TG: variants seen among roughly 807,000 people sequenced by gnomAD.
TG encodes the protein thyroid hormones.
TG carries 270 observed loss-of-function variants against 324.7 expected under a neutral mutation model. That is an observed-to-expected ratio of 0.83 (90% CI 0.75 to 0.92). The LOEUF (loss-of-function observed/expected upper bound fraction) is 0.92, where lower values mean the gene tolerates loss of function less well. TG is among the 40% of genes least tolerant of loss of function. The probability of loss-of-function intolerance (pLI) is 0.00; values close to 1 mark genes in which losing one functional copy is unlikely to be tolerated. For missense variants in TG, 3,591 were observed against 3,456.4 expected, an observed-to-expected ratio of 1.04 and a Z score of -0.98; for synonymous variants, 1,401 against 1,327.0, an observed-to-expected ratio of 1.06 and a Z score of -1.21.
chr8:132,974,593 C>T (rs914242190), intron 34 of TG, among the ~76,000 whole-genome samples: 4 of 152,228 alleles, frequency 2.6e-5, no homozygotes, highest in Non-Finnish European at 4.4e-5. Context: ...ATGTTGCCTC[C>T]TGGCAGGTCT....
intron 32 of TG, among the ~76,000 whole-genome samples, chr8:132,970,531 C>T (rs1161018267): frequency 6.6e-6 from 1 of 152,176 alleles, no homozygotes; most frequent in Non-Finnish European, 1.5e-5. Context: ...ATTCATGAAC[C>T]ATTGATCTAT....
At chr8:132,894,011 T>C in intron 11 of TG, 82 bp downstream of exon 11, 1 of 1,605,140 alleles carries the variant, frequency 6.2e-7, no homozygotes, top group Non-Finnish European at 8.5e-7. Flanking sequence ...CAGTCATCCT[T>C]AGGACTTTGT....
chr8:133,062,177 G>A (rs1842457750), intron 41 of TG, among the ~76,000 whole-genome samples: 2 of 152,168 alleles, frequency 1.3e-5, no homozygotes, highest in South Asian at 4.1e-4. Context: ...GCAAATTTGA[G>A]GCTCGGGCCC....
intron 21 of TG, among the ~76,000 whole-genome samples, chr8:132,922,943 G>C (rs1821315818): frequency 6.6e-6 from 1 of 152,180 alleles, no homozygotes. Context: ...ATAGTAGGAA[G>C]GCTTTCCTGA....
intron 40 of TG, among the ~76,000 whole-genome samples, chr8:133,024,581 C>T (rs998238406): frequency 6.6e-6 from 1 of 151,284 alleles, no homozygotes; most frequent in Non-Finnish European, 1.5e-5. Flanking sequence ...CCCAACAGGC[C>T]GTGGTGTGTG....
intron 32 of TG, among the ~76,000 whole-genome samples, chr8:132,970,628 G>T (rs527470833): frequency 8.5e-5 from 13 of 152,304 alleles, no homozygotes; most frequent in African/African-American, 3.1e-4. Context: ...AGGCAGGCTA[G>T]TCTGTCTTGA....
chr8:132,872,937 C>A, intron 4 of TG, 125 bp from the exon 5 acceptor site: 1 of 1,066,360 alleles, frequency 9.4e-7, no homozygotes, highest in Non-Finnish European at 1.4e-6. Context: ...GACAATGAAA[C>A]CGCCGAACGA....
rs189471086 is a variant in TG, at chr8:132,931,585, T to C, written c.4817-1976T>C. 3.6e-3 allele frequency among the ~76,000 whole-genome samples: 542 copies of C among 152,182 alleles called. 6 individuals carry two copies. The highest frequency in any genetic ancestry group is 0.012 in the African/African-American group (508 of 41,518). On this transcript the variant is annotated intron_variant, in intron 23 of 47. Transcript: ENST00000220616. ...TTGGGGGTGTGAGGGGAAGCTATGG[T>C]TGGGGTCATGGTAGGAACCCTGGTT...
intron 41 of TG, among the ~76,000 whole-genome samples, chr8:133,041,244 G>T (rs1239331980): frequency 3.3e-5 from 5 of 152,220 alleles, no homozygotes; most frequent in African/African-American, 9.6e-5. Flanking sequence ...TCGACAGCAC[G>T]TCACACCTCT....
intron 41 of TG, among the ~76,000 whole-genome samples, chr8:133,032,403 A>G (rs1166001530): frequency 6.6e-6 from 1 of 152,220 alleles, no homozygotes; most frequent in African/African-American, 2.4e-5. Flanking sequence ...GACACTCATT[A>G]GGACCCAGAA....
chr8:132,949,213 G>T (rs73710717), intron 27 of TG, among the ~76,000 whole-genome samples: 2,012 of 152,322 alleles, frequency 0.013, 52 homozygotes, highest in African/African-American at 0.046. Flanking sequence ...GAATCTTGGG[G>T]TTAGCTGGCA....
intron 41 of TG, chr8:133,050,246 G>A: frequency 2.0e-6 from 1 of 511,570 alleles, no homozygotes. Flanking sequence ...TCAGGGATTA[G>A]CAGCTAATGT....
At chr8:132,975,364 C>A (rs996111100) in intron 34 of TG, among the ~76,000 whole-genome samples, 1 of 152,238 alleles carries the variant, frequency 6.6e-6, no homozygotes, top group African/African-American at 2.4e-5. Context: ...CAGAGTGTTA[C>A]AACATCTTGA....
At chr8:132,930,705 G>T (rs1041813201) in intron 23 of TG, among the ~76,000 whole-genome samples, 49 of 151,390 alleles carry the variant, frequency 3.2e-4, no homozygotes, top group Admixed American at 8.6e-4. Flanking sequence ...AAAAGGAAGG[G>T]CAAACTGGTG....
intron 34 of TG, among the ~76,000 whole-genome samples, chr8:132,982,742 T>C (rs907445870): frequency 1.3e-5 from 2 of 152,202 alleles, no homozygotes; most frequent in African/African-American, 4.8e-5. Context: ...AGGTGGGTAG[T>C]ACTAAACTCA....
Position 132,887,022 on chromosome 8 carries a change from C to T in TG, c.1650C>T (p.Gly550=). 6.2e-7 allele frequency: 1 copy of T among 1,614,216 alleles called. No individual in the cohort carries two copies. The highest frequency in any genetic ancestry group is 2.2e-5 in the East Asian group (1 of 44,886). ...GTACTATGAATAAGCCAACTGTGGG[C>T]AGCTTTGGCTTTGAAATTAACCTAC... is the stretch of plus-strand genomic sequence containing the variant. The part of the protein sequence containing the change: ...KDGTMNKPTV[G]SFGFEINLQE... Residue 550 remains glycine (G), a synonymous_variant, in exon 9 of 48, where the codon GGC becomes GGT. Transcript: ENST00000220616.
At chr8:132,971,601 G>A (rs1051300674) in intron 32 of TG, among the ~76,000 whole-genome samples, 193 bp from the exon 33 acceptor site, 6 of 152,134 alleles carry the variant, frequency 3.9e-5, no homozygotes, top group African/African-American at 1.2e-4. Context: ...GAGAGGAGTA[G>A]AATTTTGTTT....
At chr8:132,925,347 C>T (rs1287565195) in intron 22 of TG, among the ~76,000 whole-genome samples, 1 of 152,212 alleles carries the variant, frequency 6.6e-6, no homozygotes, top group Non-Finnish European at 1.5e-5. Context: ...ATAAACATAT[C>T]CTCACATACA....
chr8:132,885,136 G>T (rs1017484049), intron 8 of TG, among the ~76,000 whole-genome samples: 4 of 150,800 alleles, frequency 2.7e-5, no homozygotes, highest in Non-Finnish European at 4.4e-5. Context: ...AGTTGGGGGG[G>T]GGGCGTGGTG....
Sources: allele counts gnomAD v4.1 joint callset (sites outside exome capture counted in the v4.1 genomes callset), GRCh38; gene constraint gnomAD v4.1.1; transcripts MANE v1.5; gene names NCBI Gene and HGNC (gene_info 2026-07-23, HGNC 2026-07-21).